NAALADL2: variants seen among roughly 807,000 people sequenced by gnomAD.
NAALADL2 encodes inactive N-acetylated-alpha-linked acidic dipeptidase-like protein 2.
Under a neutral mutation model 87.2 loss-of-function variants are expected in NAALADL2, and 76 were observed. That is an observed-to-expected ratio of 0.87 (90% CI 0.72 to 1.05). The LOEUF (loss-of-function observed/expected upper bound fraction) is 1.05, where lower values mean the gene tolerates loss of function less well. Ranked by LOEUF, NAALADL2 falls within the 50% of genes least tolerant of loss-of-function variation. The pLI is 0.00. For synonymous variants in NAALADL2, 354 were observed against 331.0 expected (o/e 1.07, Z -0.75); for missense variants, 1,089 against 945.8 (o/e 1.15, Z -1.99).
intron 9 of NAALADL2, among the ~76,000 whole-genome samples, chr3:175,476,953 G>T (rs1278290961): frequency 6.6e-6 from 1 of 152,076 alleles, no homozygotes; most frequent in African/African-American, 2.4e-5. Context: ...ATTAAACCTT[G>T]TTATACCCTA....
chr3:175,791,127 T>C (rs910273656), intron 13 of NAALADL2, among the ~76,000 whole-genome samples: 8 of 152,214 alleles, frequency 5.3e-5, no homozygotes, highest in Non-Finnish European at 1.0e-4. Context: ...TCCTAGAACA[T>C]TGTAGAATAC....
intron 1 of NAALADL2, among the ~76,000 whole-genome samples, chr3:174,509,468 A>G (rs1043739871): frequency 6.7e-4 from 92 of 136,482 alleles, no homozygotes; most frequent in Admixed American, 9.6e-4. Flanking sequence ...GTGGCATGGT[A>G]TCTGCTCACT....
chr3:174,625,118 G>C (rs1250098430), intron 2 of NAALADL2, among the ~76,000 whole-genome samples: 1 of 145,640 alleles, frequency 6.9e-6, no homozygotes, highest in Non-Finnish European at 1.5e-5. Flanking sequence ...GAGGGCAGTG[G>C]TACAATCATG....
intron 2 of NAALADL2, among the ~76,000 whole-genome samples, chr3:175,186,098 C>A (rs771763858): frequency 1.1e-4 from 16 of 151,978 alleles, no homozygotes; most frequent in Admixed American, 5.9e-4. Flanking sequence ...AATGGCATAA[C>A]TTTGTAAGGC....
At chr3:175,331,790 C>T (rs920597352) in intron 5 of NAALADL2, among the ~76,000 whole-genome samples, 1 of 152,122 alleles carries the variant, frequency 6.6e-6, no homozygotes, top group African/African-American at 2.4e-5. Context: ...AAGACATCCA[C>T]ATTGGAAAAG....
At chr3:175,211,224 C>T (rs572498983) in intron 2 of NAALADL2, among the ~76,000 whole-genome samples, 1 of 151,920 alleles carries the variant, frequency 6.6e-6, no homozygotes, top group African/African-American at 2.4e-5. Context: ...CTTGGAAAAA[C>T]ACCAAATAAA....
intron 2 of NAALADL2, among the ~76,000 whole-genome samples, chr3:174,680,818 G>C (rs1378733057): frequency 6.6e-6 from 1 of 152,076 alleles, no homozygotes; most frequent in Non-Finnish European, 1.5e-5. Context: ...CTCCCCACAG[G>C]AACACCAAAT....
intron 5 of NAALADL2, among the ~76,000 whole-genome samples, chr3:175,434,401 A>G (rs982168571): frequency 1.3e-5 from 2 of 151,988 alleles, no homozygotes; most frequent in African/African-American, 4.8e-5. Flanking sequence ...CAATATTTCC[A>G]CGTCAAAAAC....
intron 5 of NAALADL2, among the ~76,000 whole-genome samples, chr3:175,412,938 G>A (rs1410243876): frequency 2.6e-5 from 1 of 38,680 alleles, no homozygotes; most frequent in East Asian, 9.0e-4. Context: ...TTTTTGAGAC[G>A]GAGTCTCCCT....
intron 2 of NAALADL2, among the ~76,000 whole-genome samples, chr3:175,107,738 T>G (rs1057188348): frequency 2.0e-5 from 3 of 151,018 alleles, no homozygotes; most frequent in African/African-American, 7.4e-5. Flanking sequence ...CATTATTATA[T>G]TTATTTCATT....
intron 2 of NAALADL2, among the ~76,000 whole-genome samples, chr3:175,171,743 A>T (rs538081723): frequency 3.3e-4 from 50 of 152,100 alleles, no homozygotes; most frequent in Non-Finnish European, 4.7e-4. Flanking sequence ...AAAATATGAA[A>T]TCGTGTCATT....
At chr3:174,900,232 A>C (rs1732146267) in intron 1 of NAALADL2, among the ~76,000 whole-genome samples, 1 of 152,066 alleles carries the variant, frequency 6.6e-6, no homozygotes, top group Non-Finnish European at 1.5e-5. Flanking sequence ...TTATAGATAA[A>C]ATGGACAAGT....
At chr3:175,469,873 T>C (rs1471911871) in intron 8 of NAALADL2, among the ~76,000 whole-genome samples, 1 of 152,102 alleles carries the variant, frequency 6.6e-6, no homozygotes, top group Non-Finnish European at 1.5e-5. Flanking sequence ...GAAGCTGATA[T>C]TTCATAGCAC....
chr3:175,498,039 G>A (rs551989063), intron 9 of NAALADL2, among the ~76,000 whole-genome samples: 22 of 152,124 alleles, frequency 1.4e-4, no homozygotes, highest in African/African-American at 5.3e-4. Flanking sequence ...GCTGAAAAAT[G>A]CAATTTAGTT....
At chr3:175,709,201 C>G (rs1258154590) in intron 11 of NAALADL2, among the ~76,000 whole-genome samples, 1 of 152,000 alleles carries the variant, frequency 6.6e-6, no homozygotes, top group Non-Finnish European at 1.5e-5. Context: ...TTGCACTCAT[C>G]AAAATAATTC....
intron 11 of NAALADL2, among the ~76,000 whole-genome samples, chr3:175,673,404 A>G (rs1385565626): frequency 6.6e-6 from 1 of 152,130 alleles, no homozygotes; most frequent in Admixed American, 6.5e-5. Flanking sequence ...ATCAGTTATA[A>G]GAATTTATTT....
intron 11 of NAALADL2, among the ~76,000 whole-genome samples, chr3:175,640,989 CTG>C (rs764732121): frequency 6.6e-6 from 1 of 152,164 alleles, no homozygotes; most frequent in Non-Finnish European, 1.5e-5. Context: ...TAGCAAATGA[CTG>C]AGAAGTCCTA....
At chr3:174,894,519 G>C (rs1560334144) in intron 1 of NAALADL2, among the ~76,000 whole-genome samples, 1 of 147,314 alleles carries the variant, frequency 6.8e-6, no homozygotes, top group Non-Finnish European at 1.5e-5. Flanking sequence ...GCTTGGACCT[G>C]GGAGGCGGAG....
intron 2 of NAALADL2, among the ~76,000 whole-genome samples, chr3:174,654,372 TAATG>T (rs1223073572): frequency 6.6e-6 from 1 of 152,148 alleles, no homozygotes; most frequent in Non-Finnish European, 1.5e-5. Context: ...GATATCATAA[TAATG>T]AAATCAATGA....
Sources: allele counts gnomAD v4.1 joint callset (sites outside exome capture counted in the v4.1 genomes callset), GRCh38; gene constraint gnomAD v4.1.1; transcripts MANE v1.5; gene names NCBI Gene and HGNC (gene_info 2026-07-23, HGNC 2026-07-21).